Variants in SUCLG2 observed in about 807,000 individuals in gnomAD.
The protein encoded by SUCLG2 is succinate--CoA ligase [GDP-forming] subunit beta, mitochondrial.
SUCLG2 carries 42 observed loss-of-function variants against 47.9 expected under a neutral mutation model. The ratio of observed to expected loss-of-function variants is 0.88; its 90% CI spans 0.69 to 1.14. The LOEUF is 1.14. SUCLG2 is among the 50% of genes most tolerant of loss of function. The probability of loss-of-function intolerance (pLI) is 0.00; values close to 1 mark genes in which losing one functional copy is unlikely to be tolerated. For synonymous variants in SUCLG2, 195 were observed against 197.3 expected (o/e 0.99, Z 0.10); for missense variants, 571 against 525.9 (o/e 1.09, Z -0.84).
At chr3:67,539,651 T>C (rs1706646071) in intron 2 of SUCLG2, among the ~76,000 whole-genome samples, 1 of 152,246 alleles carries the variant, frequency 6.6e-6, no homozygotes, top group South Asian at 2.1e-4. Context: ...CTCCTCTTTG[T>C]ACCTACGGCA....
chr3:67,407,476 T>C (rs1702840986), intron 9 of SUCLG2, among the ~76,000 whole-genome samples: 1 of 152,218 alleles, frequency 6.6e-6, no homozygotes, highest in African/African-American at 2.4e-5. Context: ...CTTTAACAAG[T>C]TCATAGAAGG....
chr3:67,386,911 C>G (rs1402927805), intron 10 of SUCLG2, among the ~76,000 whole-genome samples: 1 of 152,110 alleles, frequency 6.6e-6, no homozygotes, highest in Non-Finnish European at 1.5e-5. Context: ...TGCTGGTGTA[C>G]CCCCATCCTT....
At chr3:67,578,287 T>C (rs2107251857) in intron 2 of SUCLG2, among the ~76,000 whole-genome samples, 1 of 147,390 alleles carries the variant, frequency 6.8e-6, no homozygotes, top group African/African-American at 2.5e-5. Flanking sequence ...ATTTTATATA[T>C]ATAAAATCAT....
intron 2 of SUCLG2, among the ~76,000 whole-genome samples, chr3:67,569,453 G>A (rs1159333801): frequency 1.3e-5 from 2 of 152,216 alleles, no homozygotes; most frequent in Non-Finnish European, 2.9e-5. Context: ...AGCCACCGGG[G>A]CATGGCTGCT....
At chr3:67,622,600 T>A (rs72917907) in intron 1 of SUCLG2, among the ~76,000 whole-genome samples, 180 of 152,380 alleles carry the variant, frequency 1.2e-3, no homozygotes, top group African/African-American at 4.2e-3. Context: ...GTTATCTATT[T>A]CATGTAGTTA....
At chr3:67,379,922 C>T (rs191217338) in intron 10 of SUCLG2, among the ~76,000 whole-genome samples, 5 of 152,312 alleles carry the variant, frequency 3.3e-5, no homozygotes, top group African/African-American at 7.2e-5. Context: ...ATGCTTCCCT[C>T]GTCCCCTCTA....
At chr3:67,520,354 T>A (rs1706062437) in intron 5 of SUCLG2, 128 bp downstream of exon 5, 1 of 1,349,316 alleles carries the variant, frequency 7.4e-7, no homozygotes, top group Non-Finnish European at 1.0e-6. Context: ...GAAAAAGGGC[T>A]CAGCATCTTC....
chr3:67,596,256 T>G (rs1030416901), intron 2 of SUCLG2, among the ~76,000 whole-genome samples: 7 of 152,212 alleles, frequency 4.6e-5, no homozygotes, highest in African/African-American at 1.7e-4. Flanking sequence ...TCAACACAAG[T>G]AACTAGCTTT....
intron 9 of SUCLG2, among the ~76,000 whole-genome samples, chr3:67,481,363 A>T (rs773336825): frequency 2.0e-5 from 3 of 152,222 alleles, no homozygotes; most frequent in Non-Finnish European, 2.9e-5. Flanking sequence ...CTTGGTCACA[A>T]CTTCTTAACT....
At chr3:67,600,556 A>C (rs897128867) in intron 2 of SUCLG2, among the ~76,000 whole-genome samples, 3 of 152,234 alleles carry the variant, frequency 2.0e-5, no homozygotes, top group Non-Finnish European at 4.4e-5. Flanking sequence ...TAAGCCTTGA[A>C]GCAAAGAGAC....
intron 9 of SUCLG2, among the ~76,000 whole-genome samples, chr3:67,449,536 T>C (rs1358099396): frequency 7.2e-6 from 1 of 138,432 alleles, no homozygotes. Flanking sequence ...TCATCAGACA[T>C]GTACATAATA....
In SUCLG2 at chr3:67,426,071, T is replaced by A. The variant is rs1241610936; in HGVS notation, c.1063-25220A>T. On this transcript the variant is annotated intron_variant, in intron 9 of 10. Transcript: ENST00000307227. ...AATTCCTATGAGAAAGATTCTGTAC[T>A]CTGAGAGTATTAGAGAATGCTAAGT... Among the ~76,000 whole-genome samples the A allele has an allele frequency of 3.3e-5, 5 of 152,330 alleles. No individual in the cohort carries two copies. In the East Asian group the frequency reaches 9.6e-4, roughly 29 times the overall value.
intron 6 of SUCLG2, among the ~76,000 whole-genome samples, chr3:67,513,201 A>C (rs1025732939): frequency 6.6e-6 from 1 of 152,172 alleles, no homozygotes; most frequent in Non-Finnish European, 1.5e-5. Context: ...AAGGTTCAGT[A>C]AAGTTCCATT....
intron 6 of SUCLG2, among the ~76,000 whole-genome samples, chr3:67,513,398 C>T (rs533390741): frequency 3.3e-5 from 5 of 152,314 alleles, no homozygotes; most frequent in Admixed American, 3.3e-4. Context: ...TACTGTTGCA[C>T]AAAGGCAGAC....
At chr3:67,454,411 A>G (rs1392978659) in intron 9 of SUCLG2, among the ~76,000 whole-genome samples, 1 of 3,592 alleles carries the variant, frequency 2.8e-4, no homozygotes, top group African/African-American at 2.6e-3. Context: ...TATATAAAAA[A>G]AAAATAGAAG....
At chr3:67,613,859 G>A (rs1700576553) in intron 1 of SUCLG2, among the ~76,000 whole-genome samples, 1 of 152,140 alleles carries the variant, frequency 6.6e-6, no homozygotes, top group African/African-American at 2.4e-5. Context: ...GAGGCTCTGT[G>A]GTGATAGAGA....
chr3:67,492,359 T>G (rs1195745248), intron 9 of SUCLG2, among the ~76,000 whole-genome samples: 3 of 152,204 alleles, frequency 2.0e-5, no homozygotes, highest in Non-Finnish European at 4.4e-5. Context: ...ATGTTACATT[T>G]GCTACACCTT....
At chr3:67,649,512 T>C (rs894454243) in intron 1 of SUCLG2, among the ~76,000 whole-genome samples, 7 of 151,938 alleles carry the variant, frequency 4.6e-5, no homozygotes, top group Admixed American at 3.3e-4. Flanking sequence ...CTTCTTTGTA[T>C]ACCCAAAAGT....
At chr3:67,632,618 T>C (rs1409608180) in intron 1 of SUCLG2, among the ~76,000 whole-genome samples, 2 of 152,158 alleles carry the variant, frequency 1.3e-5, no homozygotes, top group Non-Finnish European at 2.9e-5. Context: ...GGCCCCACTA[T>C]GATAATGACC....
Sources: gnomAD v4.1 joint callset for allele counts (sites outside exome capture counted in the v4.1 genomes callset) on GRCh38, gnomAD v4.1.1 for gene constraint, MANE v1.5 for transcripts, NCBI Gene and HGNC (gene_info 2026-07-23, HGNC 2026-07-21) for gene names.